The following ANO1 variants were observed in gnomAD, a reference collection of about 807,000 sequenced individuals.
ANO1 encodes anoctamin-1.
A neutral mutation model predicts 124.0 loss-of-function variants in ANO1; 59 were observed. The observed-to-expected ratio is 0.48, with a 90% CI of 0.39 to 0.59. The LOEUF is 0.59. Ranked by LOEUF, ANO1 falls within the 20% of genes least tolerant of loss-of-function variation. The pLI is 0.00. For missense variants in ANO1, 1,059 were observed against 1,328.0 expected (o/e 0.80, Z 3.15); for synonymous variants, 529 against 532.0 (o/e 0.99, Z 0.08).
At chr11:70,042,581 G>C (rs1389239619) in intron 1 of ANO1, among the ~76,000 whole-genome samples, 11 of 152,080 alleles carry the variant, frequency 7.2e-5, no homozygotes, top group Admixed American at 7.2e-4. Context: ...AATCTGCAGA[G>C]AGGTGCCCTT....
At chr11:70,126,872 G>T (rs1364940616) in intron 10 of ANO1, among the ~76,000 whole-genome samples, 1 of 148,572 alleles carries the variant, frequency 6.7e-6, no homozygotes, top group Non-Finnish European at 1.5e-5. Flanking sequence ...GTGCAGGCTG[G>T]CACTTGCGGG....
At chr11:70,083,683 G>A (rs1488545493) in intron 1 of ANO1, among the ~76,000 whole-genome samples, 1 of 152,158 alleles carries the variant, frequency 6.6e-6, no homozygotes, top group Admixed American at 6.5e-5. Context: ...CTAAGGATTT[G>A]TTTGCTATTA....
At chr11:70,161,492 C>G in intron 17 of ANO1, 130 bp downstream of exon 17, 1 of 1,379,626 alleles carries the variant, frequency 7.2e-7, no homozygotes, top group Non-Finnish European at 1.0e-6. Context: ...AATGGGTATC[C>G]TGAGCACAGG....
intron 1 of ANO1, among the ~76,000 whole-genome samples, chr11:70,010,179 G>GTATGTGTGTGTGTATA (rs1188271051): frequency 8.4e-5 from 7 of 83,774 alleles, no homozygotes; most frequent in Non-Finnish European, 4.8e-5. Flanking sequence ...GTGTGTGTGT[G>GTATGTGTGTGTGTATA]TATATATATA....
chr11:70,150,065 A>G (rs190393614), intron 12 of ANO1, among the ~76,000 whole-genome samples: 113 of 152,316 alleles, frequency 7.4e-4, no homozygotes, highest in African/African-American at 2.4e-3. Flanking sequence ...GCGTGGTCTC[A>G]GGCACATGCC....
chr11:70,065,720 T>C (rs2135124609), intron 1 of ANO1, among the ~76,000 whole-genome samples: 1 of 152,152 alleles, frequency 6.6e-6, no homozygotes, highest in East Asian at 1.9e-4. Context: ...CCAGCCTGGC[T>C]GACCTCAGTT....
Position 70,111,685 on chromosome 11 carries a change from T to C in ANO1, c.800-22T>C, listed in dbSNP as rs201569012. The C allele has an allele frequency of 2.5e-6, 4 of 1,613,754 alleles. No individual in the cohort carries two copies. The African/African-American group carries it at 4.0e-5, about 16-fold the overall frequency. On this transcript the variant is annotated intron_variant, in intron 6 of 25. Transcript: ENST00000355303. ...GGGAGACCCGCCTGCCCCATAACCTTCTCTCTGCCTCTGTTTTTAAGGCAT... is the reference window on the plus strand; with the variant it reads ...GGGAGACCCGCCTGCCCCATAACCTCCTCTCTGCCTCTGTTTTTAAGGCAT...
the ANO1 span, among the ~76,000 whole-genome samples, chr11:69,968,550 C>T: frequency 1.3e-5 from 2 of 152,066 alleles, no homozygotes; most frequent in African/African-American, 2.4e-5. Context: ...CGAATGACTC[C>T]GGCGTGCTGC....
chr11:69,972,411 G>A, the ANO1 span, among the ~76,000 whole-genome samples: 26 of 152,068 alleles, frequency 1.7e-4, 1 homozygote, highest in South Asian at 2.9e-3. Context: ...ACAAGCAGCC[G>A]GCATCAACTC....
At chr11:70,171,709 G>A (rs1321447432) in intron 22 of ANO1, among the ~76,000 whole-genome samples, 1 of 152,214 alleles carries the variant, frequency 6.6e-6, no homozygotes, top group African/African-American at 2.4e-5. Flanking sequence ...GCTCACTCCT[G>A]TAATCCCAGT....
At chr11:70,154,561 G>A (rs2047732709) in intron 14 of ANO1, among the ~76,000 whole-genome samples, 1 of 144,268 alleles carries the variant, frequency 6.9e-6, no homozygotes, top group Non-Finnish European at 1.5e-5. Context: ...CTGCCTCCCA[G>A]GTTCACGCCA....
chr11:70,057,860 G>GACAAA (rs1167425104), intron 1 of ANO1, among the ~76,000 whole-genome samples: 63 of 152,246 alleles, frequency 4.1e-4, no homozygotes, highest in African/African-American at 1.1e-3. Flanking sequence ...TCAGAGGCCT[G>GACAAA]ACAAAACAAA....
intron 20 of ANO1, among the ~76,000 whole-genome samples, chr11:70,165,959 G>A (rs1236854948): frequency 6.6e-6 from 1 of 152,140 alleles, no homozygotes; most frequent in Admixed American, 6.6e-5. Context: ...GTTGCAAGCT[G>A]CAGTGAGCTA....
At chr11:70,010,627 A>T (rs1323130955) in intron 1 of ANO1, among the ~76,000 whole-genome samples, 1 of 152,068 alleles carries the variant, frequency 6.6e-6, no homozygotes, top group Non-Finnish European at 1.5e-5. Flanking sequence ...GGCTGCAGAG[A>T]GGCCTGGGGC....
At chr11:69,977,326 A>G in the ANO1 span, among the ~76,000 whole-genome samples, 4 of 152,212 alleles carry the variant, frequency 2.6e-5, no homozygotes, top group African/African-American at 9.7e-5. Context: ...CATATGCTGT[A>G]AGCACTCAGA....
chr11:70,116,394 G>T, intron 7 of ANO1, 64 bp from the exon 8 acceptor site: 1 of 1,461,382 alleles, frequency 6.8e-7, no homozygotes, highest in South Asian at 1.2e-5. Context: ...GAAACATAAT[G>T]GATGTGAGCG....
At chr11:69,972,586 T>C in the ANO1 span, among the ~76,000 whole-genome samples, 1 of 152,212 alleles carries the variant, frequency 6.6e-6, no homozygotes, top group Non-Finnish European at 1.5e-5. Context: ...CATGACCCAC[T>C]GGGTTTTGTT....
At chr11:70,054,335 T>C (rs1555006595) in intron 1 of ANO1, among the ~76,000 whole-genome samples, 2 of 152,142 alleles carry the variant, frequency 1.3e-5, no homozygotes, top group African/African-American at 2.4e-5. Context: ...CATGGGAACA[T>C]GGTGTAGGCC....
At chr11:70,021,109 G>A (rs1856799384) in intron 1 of ANO1, 1 of 152,090 alleles carries the variant, frequency 6.6e-6, no homozygotes. Flanking sequence ...AGGGGGAGGA[G>A]GGATTCGAAC....
Sources: allele counts gnomAD v4.1 joint callset (sites outside exome capture counted in the v4.1 genomes callset), GRCh38; gene constraint gnomAD v4.1.1; transcripts MANE v1.5; gene names NCBI Gene and HGNC (gene_info 2026-07-23, HGNC 2026-07-21).